DOCK3: variants seen among roughly 807,000 people sequenced by gnomAD.
DOCK3 encodes the protein dedicator of cytokinesis 3.
Under a neutral mutation model 265.6 loss-of-function variants are expected in DOCK3, and 60 were observed. That is an observed-to-expected ratio of 0.23 (90% CI 0.18 to 0.28). DOCK3 has a LOEUF of 0.28. Ranked by LOEUF, DOCK3 falls within the 10% of genes least tolerant of loss-of-function variation. The pLI is 1.00. For synonymous variants in DOCK3, 881 were observed against 938.0 expected, an observed-to-expected ratio of 0.94 and a Z score of 1.11; for missense variants, 1,981 against 2,594.3, an observed-to-expected ratio of 0.76 and a Z score of 5.14.
intron 12 of DOCK3, 111 bp downstream of exon 12, chr3:51,160,813 A>G: frequency 7.5e-7 from 1 of 1,334,444 alleles, no homozygotes; most frequent in Non-Finnish European, 9.9e-7. Flanking sequence ...GCAGTGGCTC[A>G]CGCCTGTATT....
At chr3:51,146,240 A>C (rs1436348029) in intron 9 of DOCK3, among the ~76,000 whole-genome samples, 5 of 152,202 alleles carry the variant, frequency 3.3e-5, no homozygotes, top group Non-Finnish European at 7.3e-5. Flanking sequence ...TGTTTTGGGA[A>C]TATCTGGGAG....
At chr3:50,930,463 G>A (rs1285756989) in intron 4 of DOCK3, among the ~76,000 whole-genome samples, 1 of 152,182 alleles carries the variant, frequency 6.6e-6, no homozygotes, top group African/African-American at 2.4e-5. Flanking sequence ...CTGCAGCTGT[G>A]CCCAAAACGA....
chr3:50,716,549 A>C (rs1196266338), intron 1 of DOCK3, among the ~76,000 whole-genome samples: 18 of 151,234 alleles, frequency 1.2e-4, no homozygotes, highest in Admixed American at 1.2e-3. Flanking sequence ...TAAAAGTATA[A>C]TAATAATAAA....
intron 1 of DOCK3, among the ~76,000 whole-genome samples, chr3:50,769,478 A>G (rs1178359596): frequency 6.6e-6 from 1 of 152,152 alleles, no homozygotes; most frequent in Non-Finnish European, 1.5e-5. Flanking sequence ...ATGGACCTAG[A>G]TGAAGATGCC....
chr3:50,946,415 T>C (rs2076429351), intron 5 of DOCK3, among the ~76,000 whole-genome samples: 1 of 152,222 alleles, frequency 6.6e-6, no homozygotes, highest in South Asian at 2.1e-4. Context: ...TTAAAATTAG[T>C]ATTTTAACTA....
chr3:50,928,739 A>C (rs1318994399), intron 4 of DOCK3, among the ~76,000 whole-genome samples: 3 of 152,186 alleles, frequency 2.0e-5, no homozygotes, highest in African/African-American at 7.2e-5. Context: ...CAATTTCATA[A>C]AATTAATTTT....
chr3:51,318,295 C>T (rs182460857), intron 32 of DOCK3, among the ~76,000 whole-genome samples: 1 of 152,266 alleles, frequency 6.6e-6, no homozygotes, highest in African/African-American at 2.4e-5. Flanking sequence ...AGGAGAATTG[C>T]TTGAACCCAG....
chr3:51,188,205 A>T (rs1017723042), intron 12 of DOCK3, among the ~76,000 whole-genome samples: 5 of 152,206 alleles, frequency 3.3e-5, no homozygotes, highest in African/African-American at 1.2e-4. Flanking sequence ...TTGGAGGCAC[A>T]TTAGTACGAA....
chr3:51,135,162 T>G lies in DOCK3; in HGVS notation c.747-11387T>G, dbSNP rs147655498. ...TTCCACAGAGACCTCGAATTCAGTA[T>G]GTATACCCAAAATTTATATAATCTT... On this transcript the variant is annotated intron_variant, in intron 9 of 52. Coordinates refer to ENST00000266037, the MANE Select transcript of DOCK3 (RefSeq NM_004947.5). Among the ~76,000 whole-genome samples, 582 of 152,366 alleles carry G rather than the reference T, an allele frequency of 3.8e-3. 2 individuals are homozygous for G. The highest frequency in any genetic ancestry group is 7.5e-3 in the Admixed American group (115 of 15,306).
chr3:51,297,330 T>C (rs954652680), intron 27 of DOCK3, among the ~76,000 whole-genome samples: 4 of 151,724 alleles, frequency 2.6e-5, no homozygotes, highest in Admixed American at 2.6e-4. Flanking sequence ...AAGAAAAAAA[T>C]AGGTAAGTTA....
At chr3:51,273,512 GT>G (rs1245132979) in intron 24 of DOCK3, among the ~76,000 whole-genome samples, 4 of 152,090 alleles carry the variant, frequency 2.6e-5, no homozygotes. Context: ...ACTAACCACT[GT>G]TTTTTTCTGT....
At chr3:51,357,679 A>G in intron 44 of DOCK3, 79 bp from the exon 45 acceptor site, 2 of 1,421,608 alleles carry the variant, frequency 1.4e-6, no homozygotes, top group South Asian at 2.4e-5. Context: ...AGGTGGCATT[A>G]GTGGACTCAA....
intron 3 of DOCK3, among the ~76,000 whole-genome samples, chr3:50,865,069 C>T (rs1222231734): frequency 1.3e-5 from 2 of 151,946 alleles, no homozygotes; most frequent in Non-Finnish European, 2.9e-5. Context: ...TGTTTTGATA[C>T]AGGCATGCAA....
chr3:50,751,942 A>C (rs1029041998), intron 1 of DOCK3, among the ~76,000 whole-genome samples: 3 of 152,066 alleles, frequency 2.0e-5, no homozygotes. Flanking sequence ...CAAGACCCGC[A>C]TGGGGGAAGC....
At chr3:50,968,288 T>G (rs1250208673) in intron 5 of DOCK3, among the ~76,000 whole-genome samples, 1 of 151,998 alleles carries the variant, frequency 6.6e-6, no homozygotes, top group Non-Finnish European at 1.5e-5. Context: ...CAACTCAGTC[T>G]CTGGAGTAGC....
chr3:51,277,509 C>T, intron 25 of DOCK3, 99 bp from the exon 26 acceptor site: 1 of 1,415,214 alleles, frequency 7.1e-7, no homozygotes, highest in Non-Finnish European at 9.3e-7. Flanking sequence ...GTTGGGAATC[C>T]AGAAGACTAC....
intron 1 of DOCK3, among the ~76,000 whole-genome samples, chr3:50,752,755 G>C (rs1287526261): frequency 1.3e-5 from 2 of 151,878 alleles, no homozygotes; most frequent in Non-Finnish European, 2.9e-5. Flanking sequence ...TCCAGCCTGG[G>C]TGACAGAGCA....
intron 5 of DOCK3, among the ~76,000 whole-genome samples, chr3:50,998,534 G>C (rs1473293116): frequency 6.6e-6 from 1 of 152,190 alleles, no homozygotes; most frequent in Non-Finnish European, 1.5e-5. Flanking sequence ...TGATACCTAA[G>C]CCATGGGTAC....
At chr3:50,910,365 A>C (rs982328399) in intron 4 of DOCK3, among the ~76,000 whole-genome samples, 1 of 151,970 alleles carries the variant, frequency 6.6e-6, no homozygotes, top group Non-Finnish European at 1.5e-5. Flanking sequence ...TCAGGGAGAG[A>C]TCTTTTCCAC....
Sources: allele counts gnomAD v4.1 joint callset (sites outside exome capture counted in the v4.1 genomes callset), GRCh38; gene constraint gnomAD v4.1.1; transcripts MANE v1.5; gene names NCBI Gene and HGNC (gene_info 2026-07-23, HGNC 2026-07-21).